Variants in ASAP1 observed in about 807,000 individuals in gnomAD.
ASAP1 encodes the protein arf-GAP with SH3 domain, ANK repeat and PH domain-containing protein 1.
ASAP1 carries 43 observed loss-of-function variants against 145.2 expected under a neutral mutation model. The ratio of observed to expected loss-of-function variants is 0.30; its 90% CI spans 0.23 to 0.38. The LOEUF (loss-of-function observed/expected upper bound fraction) is 0.38, where lower values mean the gene tolerates loss of function less well. Ranked by LOEUF, ASAP1 falls within the 10% of genes least tolerant of loss-of-function variation. The pLI, the probability that ASAP1 is intolerant of heterozygous loss-of-function variation, is 1.00. For synonymous variants in ASAP1, 546 were observed against 515.5 expected (o/e 1.06, Z -0.80); for missense variants, 1,018 against 1,355.3 (o/e 0.75, Z 3.91).
At chr8:130,168,502 A>G (rs1425076206) in intron 10 of ASAP1, among the ~76,000 whole-genome samples, 2 of 152,166 alleles carry the variant, frequency 1.3e-5, no homozygotes, top group Non-Finnish European at 2.9e-5. Flanking sequence ...AGGCACGAGA[A>G]TTGCTTGAGC....
In ASAP1 at chr8:130,118,873, C is replaced by T. The variant is rs547098565; in HGVS notation, c.1608-198G>A. 9 of 331,822 alleles carry T rather than the reference C, an allele frequency of 2.7e-5. No homozygotes were observed. The South Asian group carries it at 3.3e-4, about 12-fold the overall frequency. 20.6% of individuals were successfully genotyped at this position (331,822 alleles called of 1,614,324 possible). On this transcript the variant is annotated intron_variant, in intron 18 of 29. Transcript: ENST00000518721. ...AATAATATATGTTTACTAATATATA[C>T]AAGTAATAGATATAGTTACAAAGTA...
chr8:130,301,949 T>C (rs540008037), intron 3 of ASAP1, among the ~76,000 whole-genome samples: 1 of 152,374 alleles, frequency 6.6e-6, no homozygotes, highest in Non-Finnish European at 1.5e-5. Flanking sequence ...GAGAAGACTG[T>C]AACCTCCACG....
At chr8:130,182,709 G>C (rs759369893) in intron 7 of ASAP1, among the ~76,000 whole-genome samples, 34 of 151,924 alleles carry the variant, frequency 2.2e-4, no homozygotes, top group Non-Finnish European at 4.9e-4. Context: ...AATAACAAAA[G>C]GGGGAGGGTT....
At chr8:130,417,477 T>A (rs3924865) in intron 1 of ASAP1, among the ~76,000 whole-genome samples, 67,432 of 152,056 alleles carry the variant, frequency 0.44, 15,854 homozygotes, top group Admixed American at 0.53. Flanking sequence ...CTGACACAAG[T>A]GATACGGGCG....
chr8:130,282,069 GAAA>G (rs36024310), intron 3 of ASAP1, among the ~76,000 whole-genome samples: 7 of 128,000 alleles, frequency 5.5e-5, no homozygotes, highest in Non-Finnish European at 9.9e-5. Flanking sequence ...ACTCTGCCTC[GAAA>G]AAAAAAAAAA....
chr8:130,395,426 C>T (rs1464517513), intron 2 of ASAP1, among the ~76,000 whole-genome samples: 7 of 152,304 alleles, frequency 4.6e-5, no homozygotes, highest in Admixed American at 1.3e-4. Flanking sequence ...AGGGCAGTCC[C>T]GCAATCCAGT....
chr8:130,403,301 T>TTTTAAAA (rs60441663), intron 1 of ASAP1, among the ~76,000 whole-genome samples: 24 of 151,090 alleles, frequency 1.6e-4, no homozygotes, highest in South Asian at 4.2e-4. Flanking sequence ...TGTTTTTTTT[T>TTTTAAAA]AAAAAACCCA....
intron 29 of ASAP1, 100 bp downstream of exon 29, chr8:130,057,854 A>C: frequency 3.4e-6 from 5 of 1,481,876 alleles, no homozygotes; most frequent in Non-Finnish European, 4.6e-6. Context: ...CTTGTGCTCA[A>C]GAGCCCTCTT....
At chr8:130,399,220 G>C (rs1364462121) in intron 2 of ASAP1, among the ~76,000 whole-genome samples, 1 of 152,192 alleles carries the variant, frequency 6.6e-6, no homozygotes, top group African/African-American at 2.4e-5. Context: ...AAACAAACTA[G>C]AGAAAAAGCC....
At chr8:130,102,292 G>A (rs780405131) in intron 24 of ASAP1, among the ~76,000 whole-genome samples, 12 of 152,112 alleles carry the variant, frequency 7.9e-5, no homozygotes, top group Non-Finnish European at 1.6e-4. Flanking sequence ...ATTTATTGAA[G>A]GTTTTTATTA....
intron 1 of ASAP1, among the ~76,000 whole-genome samples, chr8:130,416,371 T>G (rs1299479163): frequency 6.6e-6 from 1 of 152,158 alleles, no homozygotes; most frequent in Non-Finnish European, 1.5e-5. Flanking sequence ...CTAGTAAATG[T>G]TTGTTGAATG....
At chr8:130,403,822 G>C (rs1375252645) in intron 1 of ASAP1, among the ~76,000 whole-genome samples, 1 of 152,090 alleles carries the variant, frequency 6.6e-6, no homozygotes, top group Non-Finnish European at 1.5e-5. Context: ...CCAAAGTGCT[G>C]GGATTACAGG....
intron 2 of ASAP1, 33 bp downstream of exon 2, chr8:130,401,852 T>A: frequency 6.3e-7 from 1 of 1,598,122 alleles, no homozygotes; most frequent in South Asian, 1.1e-5. Context: ...CCACGCCGAG[T>A]TTTCTGGACA....
chr8:130,357,318 C>G (rs1380287136), intron 3 of ASAP1, among the ~76,000 whole-genome samples: 1 of 152,214 alleles, frequency 6.6e-6, no homozygotes, highest in African/African-American at 2.4e-5. Flanking sequence ...GCACCGGCCT[C>G]CGATCTCCTT....
rs185324231 is a variant in ASAP1, at chr8:130,148,435, G to A, written c.1080+4301C>T. On this transcript the variant is annotated intron_variant, in intron 13 of 29. Transcript: ENST00000518721. The stretch of plus-strand genomic sequence containing the variant: ...GAAAATTCAAAGATGAGTAAGATGC[G>A]GTCCCTACCTCCTAGGAATTTCCAG... Among the ~76,000 whole-genome samples, 697 of 152,250 alleles carry A rather than the reference G, an allele frequency of 4.6e-3. 3 individuals carry two copies. The highest frequency in any genetic ancestry group is 0.011 in the South Asian group (53 of 4,820).
chr8:130,427,932 T>C (rs1228970221), intron 1 of ASAP1: 1 of 152,150 alleles, frequency 6.6e-6, no homozygotes, highest in Non-Finnish European at 1.5e-5. Flanking sequence ...TCTTCTCAAT[T>C]TCAATCTAGT....
intron 5 of ASAP1, among the ~76,000 whole-genome samples, chr8:130,202,770 CA>C (rs1467621846): frequency 2.6e-5 from 4 of 152,118 alleles, no homozygotes; most frequent in Non-Finnish European, 5.9e-5. Flanking sequence ...GGTGGTGGAG[CA>C]GAGATAGAAC....
At chr8:130,357,993 G>A (rs768917705) in intron 3 of ASAP1, 24 bp downstream of exon 3, 4 of 1,593,640 alleles carry the variant, frequency 2.5e-6, no homozygotes, top group East Asian at 2.3e-5. Flanking sequence ...GAGCGTGGAC[G>A]GCGGGGGTCC....
chr8:130,272,445 A>G (rs1212899313), intron 3 of ASAP1, among the ~76,000 whole-genome samples: 1 of 152,196 alleles, frequency 6.6e-6, no homozygotes, highest in African/African-American at 2.4e-5. Context: ...GATCTCTCAA[A>G]AAACTAAAAT....
Sources: allele counts gnomAD v4.1 joint callset (sites outside exome capture counted in the v4.1 genomes callset), GRCh38; gene constraint gnomAD v4.1.1; transcripts MANE v1.5; gene names NCBI Gene and HGNC (gene_info 2026-07-23, HGNC 2026-07-21).